The following GPC5 variants were observed in gnomAD, a reference collection of about 807,000 sequenced individuals.
GPC5 encodes the protein glypican-5.
GPC5 carries 47 observed loss-of-function variants against 53.9 expected under a neutral mutation model. That is an observed-to-expected ratio of 0.87 (90% confidence interval 0.69 to 1.11). GPC5 has a LOEUF of 1.11. Ranked by LOEUF, GPC5 falls within the 50% of genes most tolerant of loss-of-function variation. GPC5 has a pLI of 0.00. For synonymous variants in GPC5, 286 were observed against 263.3 expected, an observed-to-expected ratio of 1.09 and a Z score of -0.84; for missense variants, 748 against 713.1, an observed-to-expected ratio of 1.05 and a Z score of -0.56.
intron 7 of GPC5, among the ~76,000 whole-genome samples, chr13:92,763,881 A>G (rs1875289959): frequency 6.6e-6 from 1 of 152,138 alleles, no homozygotes; most frequent in Non-Finnish European, 1.5e-5. Context: ...AATAGAACCA[A>G]TAGAGCAGAG....
At chr13:91,797,501 C>G (rs1798628104) in intron 5 of GPC5, among the ~76,000 whole-genome samples, 1 of 152,120 alleles carries the variant, frequency 6.6e-6, no homozygotes, top group Admixed American at 6.6e-5. Context: ...ACTATTTTGA[C>G]AAATCCCTGA....
chr13:91,586,649 G>A lies in GPC5; in HGVS notation c.326-106538G>A, dbSNP rs1477126685. On this transcript the variant is annotated intron_variant, in intron 2 of 7. Transcript: ENST00000377067. ...ATCTCATGAGAACTCACTATCATGAGAACATCATGGGGGGACTGCCCCCAT... is the reference window on the plus strand; with the variant it reads ...ATCTCATGAGAACTCACTATCATGAAAACATCATGGGGGGACTGCCCCCAT... 3.5e-5 allele frequency among the ~76,000 whole-genome samples: 5 copies of A among 142,796 alleles called. No homozygotes were observed. In the South Asian group the frequency reaches 1.1e-3, roughly 33 times the overall value. The allele number at this position is 142,796 out of a possible 152,430, so 93.7% of individuals were successfully genotyped here. A position where few individuals can be genotyped will look rare whatever the true frequency, so the allele number is the denominator to read the frequency against.
rs947787169 is a variant in GPC5, at chr13:91,898,004, A to C, written c.1281-9933A>C. On this transcript the variant is annotated intron_variant, in intron 5 of 7. Coordinates refer to ENST00000377067, the MANE Select transcript of GPC5 (RefSeq NM_004466.6). Reference sequence around the variant, plus strand: ...ATAAAATATCAATTAGAAACAAACAAAAACAATTCAGAGAGATATTAACCA... The same window carrying C: ...ATAAAATATCAATTAGAAACAAACACAAACAATTCAGAGAGATATTAACCA... Among the ~76,000 whole-genome samples the C allele has an allele frequency of 4.1e-4, 62 of 152,202 alleles. 2 individuals carry two copies. The highest frequency in any genetic ancestry group is 3.9e-4 in the Admixed American group (6 of 15,268).
rs1462534459 is a variant in GPC5, at chr13:92,432,127, A to G, written c.1561+287138A>G. 2.0e-5 allele frequency among the ~76,000 whole-genome samples: 3 copies of G among 152,282 alleles called. No individual in the cohort carries two copies. In the East Asian group the frequency reaches 5.8e-4, roughly 30 times the overall value. On this transcript the variant is annotated intron_variant, in intron 7 of 7. Coordinates refer to ENST00000377067, the MANE Select transcript of GPC5 (RefSeq NM_004466.6). Reference sequence around the variant, plus strand: ...TGGGGCACTTATAAGAAGAGAAACCAGAGAGCTTGGCTTACTCTCCCATGT... The same window carrying G: ...TGGGGCACTTATAAGAAGAGAAACCGGAGAGCTTGGCTTACTCTCCCATGT...
chr13:92,559,896 G>A (rs910216338), intron 7 of GPC5, among the ~76,000 whole-genome samples: 1 of 151,004 alleles, frequency 6.6e-6, no homozygotes, highest in East Asian at 2.0e-4. Flanking sequence ...ATCACACAAA[G>A]GAACATGAAA....
intron 7 of GPC5, among the ~76,000 whole-genome samples, chr13:92,215,637 C>T (rs1404462541): frequency 6.6e-6 from 1 of 152,128 alleles, no homozygotes; most frequent in East Asian, 1.9e-4. Flanking sequence ...AAAATGAAGG[C>T]TTTACTGAGG....
chr13:91,578,058 A>G (rs1266872321), intron 2 of GPC5, among the ~76,000 whole-genome samples: 1 of 152,196 alleles, frequency 6.6e-6, no homozygotes, highest in Non-Finnish European at 1.5e-5. Flanking sequence ...GAGGAAAGCC[A>G]GCTGCCATGT....
At chr13:92,821,664 C>T (rs1169379445) in intron 7 of GPC5, among the ~76,000 whole-genome samples, 1 of 152,086 alleles carries the variant, frequency 6.6e-6, no homozygotes, top group Non-Finnish European at 1.5e-5. Flanking sequence ...ACTTGTATTC[C>T]TCAGCTGGCC....
chr13:91,767,008 C>T (rs2037538999), intron 5 of GPC5, among the ~76,000 whole-genome samples: 1 of 152,160 alleles, frequency 6.6e-6, no homozygotes, highest in South Asian at 2.1e-4. Context: ...TCATTTACTT[C>T]AATGGAAATG....
At chr13:92,211,849 G>T (rs971562429) in intron 7 of GPC5, among the ~76,000 whole-genome samples, 5 of 152,150 alleles carry the variant, frequency 3.3e-5, no homozygotes, top group African/African-American at 1.2e-4. Context: ...TGTTCCTATT[G>T]ATTTGAATCA....
chr13:92,381,250 C>T lies in GPC5; in HGVS notation c.1561+236261C>T, dbSNP rs182203241. Among the ~76,000 whole-genome samples the T allele has an allele frequency of 2.8e-4, 42 of 152,234 alleles. 2 individuals carry two copies. The East Asian group carries it at 4.8e-3, about 18-fold the overall frequency. ...ATGTTACAGGAGGTCTAGGGTCTGC[C>T]ATATACTAACTGCCTCTAGTTTTGC... On this transcript the variant is annotated intron_variant, in intron 7 of 7. Transcript: ENST00000377067.
At chr13:92,007,163 A>G (rs1475916256) in intron 6 of GPC5, among the ~76,000 whole-genome samples, 1 of 152,184 alleles carries the variant, frequency 6.6e-6, no homozygotes, top group African/African-American at 2.4e-5. Context: ...TTTACTCTCA[A>G]TATCAAGCTA....
In GPC5 at chr13:91,964,118, C is replaced by T. The variant is rs965754284; in HGVS notation, c.1401+56061C>T. On this transcript the variant is annotated intron_variant, in intron 6 of 7. Coordinates refer to ENST00000377067, the MANE Select transcript of GPC5 (RefSeq NM_004466.6). ...TTTCCTTCTGATGTTCAGAGGTCTC[C>T]AGAGTTTCTTCCTTCTGGTGGGTTC... 3.8e-4 allele frequency among the ~76,000 whole-genome samples: 58 copies of T among 152,212 alleles called. 1 individual carries two copies. The highest frequency in any genetic ancestry group is 1.4e-3 in the African/African-American group (57 of 41,528).
intron 2 of GPC5, among the ~76,000 whole-genome samples, chr13:91,618,602 T>C (rs1179755544): frequency 2.6e-5 from 4 of 152,104 alleles, no homozygotes; most frequent in African/African-American, 4.8e-5. Flanking sequence ...GAGTAAGCTA[T>C]TGGGCCTTTA....
rs1878587053 is a variant in GPC5 at position 92,845,623 on chromosome 13, A to G, written c.1562-20659A>G. ...TAACATGTTAATCTTATTCAAAAAT[A>G]CCTACCCAAAAACACTCAGAATAAT... is the stretch of plus-strand genomic sequence containing the variant. On this transcript the variant is annotated intron_variant, in intron 7 of 7. Coordinates refer to ENST00000377067, the MANE Select transcript of GPC5 (RefSeq NM_004466.6). Among the ~76,000 whole-genome samples the G allele has an allele frequency of 2.0e-5, 3 of 152,250 alleles. No individual in the cohort carries two copies. The South Asian group carries it at 6.2e-4, about 32-fold the overall frequency.
At chr13:91,618,188 G>A (rs897122059) in intron 2 of GPC5, among the ~76,000 whole-genome samples, 4 of 152,084 alleles carry the variant, frequency 2.6e-5, no homozygotes, top group African/African-American at 9.7e-5. Flanking sequence ...TTAGAAAGTA[G>A]TCCATGCAAC....
chr13:92,574,807 T>C (rs1181189393), intron 7 of GPC5, among the ~76,000 whole-genome samples: 2 of 152,150 alleles, frequency 1.3e-5, no homozygotes, highest in African/African-American at 4.8e-5. Flanking sequence ...CTATCCCTAC[T>C]CGGAAGAATG....
chr13:92,562,242 C>T (rs1326875350), intron 7 of GPC5, among the ~76,000 whole-genome samples: 4 of 152,066 alleles, frequency 2.6e-5, no homozygotes, highest in Non-Finnish European at 4.4e-5. Context: ...GAATTTCACC[C>T]TTACGCTGTG....
intron 2 of GPC5, among the ~76,000 whole-genome samples, chr13:91,662,157 G>T (rs1039512256): frequency 3.3e-5 from 5 of 152,150 alleles, no homozygotes; most frequent in African/African-American, 9.7e-5. Context: ...TTTTCAATTA[G>T]AAGGATGGAG....
Sources: gnomAD v4.1 joint callset for allele counts (sites outside exome capture counted in the v4.1 genomes callset) on GRCh38, gnomAD v4.1.1 for gene constraint, MANE v1.5 for transcripts, NCBI Gene and HGNC (gene_info 2026-07-23, HGNC 2026-07-21) for gene names.